RBFOX3: variants seen among roughly 807,000 people sequenced by gnomAD.
RBFOX3 encodes RNA binding fox-1 homolog 3, also known as RNA binding protein fox-1 homolog 3.
In RBFOX3, 17 loss-of-function variants were observed where a neutral mutation model predicts 48.7. That is an observed-to-expected ratio of 0.35 (90% CI 0.24 to 0.52). RBFOX3 has a LOEUF of 0.52. RBFOX3 is among the 20% of genes least tolerant of loss of function. RBFOX3 has a pLI of 0.94. For missense variants in RBFOX3, 382 were observed against 497.5 expected (o/e 0.77, Z 2.21); for synonymous variants, 212 against 209.5 (o/e 1.01, Z -0.10).
intron 9 of RBFOX3, chr17:79,099,803 T>G (rs1209872808): frequency 6.6e-6 from 1 of 152,240 alleles, no homozygotes; most frequent in Non-Finnish European, 1.5e-5. Context: ...GCTGGCCTGT[T>G]TCTACCGTAA....
rs190589924 is a variant in RBFOX3, at chr17:79,230,320, T to C, written c.-34+5446A>G. Among the ~76,000 whole-genome samples the C allele has an allele frequency of 1.1e-3, 166 of 152,210 alleles. 2 individuals are homozygous for C. The South Asian group carries it at 0.031, about 29-fold the overall frequency. On this transcript the variant is annotated intron_variant, in intron 4 of 14. Transcript: ENST00000693108. The stretch of plus-strand genomic sequence containing the variant: ...TGTCACCCAGGCTGGAGTGCAGTGG[T>C]ACGATCTTGGCTCACTGCTACCTCT...
At chr17:79,487,563 A>G (rs2149548814) in intron 1 of RBFOX3, among the ~76,000 whole-genome samples, 2 of 152,312 alleles carry the variant, frequency 1.3e-5, no homozygotes, top group East Asian at 3.9e-4. Flanking sequence ...GCTGGCACAC[A>G]GTAGGCGCTC....
At chr17:79,250,389 A>T (rs539256064) in intron 3 of RBFOX3, among the ~76,000 whole-genome samples, 1 of 152,176 alleles carries the variant, frequency 6.6e-6, no homozygotes, top group Non-Finnish European at 1.5e-5. Context: ...GAACACGATA[A>T]ATTGCGAATG....
intron 4 of RBFOX3, among the ~76,000 whole-genome samples, chr17:79,123,121 G>A (rs1328472579): frequency 1.3e-5 from 2 of 152,240 alleles, no homozygotes; most frequent in South Asian, 4.1e-4. Context: ...AGAGCAGAAA[G>A]AATGAATAAG....
At chr17:79,353,569 C>T (rs1335618760) in intron 2 of RBFOX3, among the ~76,000 whole-genome samples, 1 of 152,260 alleles carries the variant, frequency 6.6e-6, no homozygotes, top group East Asian at 1.9e-4. Flanking sequence ...ATACCCATCA[C>T]TCATGCAGAT....
At chr17:79,274,296 G>A (rs1359329678) in intron 3 of RBFOX3, among the ~76,000 whole-genome samples, 1 of 152,166 alleles carries the variant, frequency 6.6e-6, no homozygotes, top group Non-Finnish European at 1.5e-5. Context: ...GGAGCTTCAG[G>A]ACCTTGCTGC....
chr17:79,162,561 G>C (rs1008189703), intron 4 of RBFOX3, among the ~76,000 whole-genome samples: 3 of 152,252 alleles, frequency 2.0e-5, no homozygotes, highest in Non-Finnish European at 2.9e-5. Context: ...GAGAAAATGA[G>C]ATTTTAGTAA....
intron 2 of RBFOX3, among the ~76,000 whole-genome samples, chr17:79,335,504 A>G (rs1370636975): frequency 6.6e-6 from 1 of 152,204 alleles, no homozygotes. Flanking sequence ...ACACTTGGCC[A>G]TGCACGGATC....
intron 4 of RBFOX3, among the ~76,000 whole-genome samples, chr17:79,178,846 C>T (rs1005724018): frequency 6.6e-6 from 1 of 152,250 alleles, no homozygotes; most frequent in African/African-American, 2.4e-5. Context: ...AACTACTTGT[C>T]TGGTTAAATT....
At chr17:79,193,870 G>A (rs1288709838) in intron 4 of RBFOX3, among the ~76,000 whole-genome samples, 4 of 152,170 alleles carry the variant, frequency 2.6e-5, no homozygotes, top group African/African-American at 9.7e-5. Context: ...TGGCCCACAG[G>A]AAGGTGGCTG....
intron 2 of RBFOX3, among the ~76,000 whole-genome samples, chr17:79,367,616 C>A (rs140172298): frequency 5.9e-5 from 9 of 152,088 alleles, no homozygotes; most frequent in African/African-American, 1.9e-4. Flanking sequence ...TTACTCCCAG[C>A]CAGTAACTTG....
the RBFOX3 span, among the ~76,000 whole-genome samples, chr17:79,620,805 A>C: frequency 6.6e-6 from 1 of 151,918 alleles, no homozygotes; most frequent in Non-Finnish European, 1.5e-5. Flanking sequence ...ACCTGGCTCC[A>C]CCCTCCACAG....
the RBFOX3 span, among the ~76,000 whole-genome samples, chr17:79,662,201 C>A: frequency 7.2e-6 from 1 of 138,542 alleles, no homozygotes; most frequent in Non-Finnish European, 1.5e-5. Flanking sequence ...CTGCTCACTG[C>A]AAGCTCTGCC....
chr17:79,136,511 A>G (rs903667516), intron 4 of RBFOX3: 1 of 152,306 alleles, frequency 6.6e-6, no homozygotes, highest in Non-Finnish European at 1.5e-5. Context: ...CAGACCTCTC[A>G]CTCAGGGTGG....
chr17:79,095,491 C>T (rs1599385620), intron 13 of RBFOX3, 22 bp downstream of exon 13: 1 of 1,547,488 alleles, frequency 6.5e-7, no homozygotes, highest in African/African-American at 1.4e-5. Context: ...TGCTCCAGAA[C>T]AGTGCTGGCC....
chr17:79,431,323 C>CT (rs1459967244), intron 2 of RBFOX3, among the ~76,000 whole-genome samples: 1 of 152,038 alleles, frequency 6.6e-6, no homozygotes, highest in Non-Finnish European at 1.5e-5. Context: ...ACCACATTTT[C>CT]TTTTTTTGAG....
At chr17:79,158,816 C>T (rs920255213) in intron 4 of RBFOX3, among the ~76,000 whole-genome samples, 2 of 152,206 alleles carry the variant, frequency 1.3e-5, no homozygotes, top group Non-Finnish European at 2.9e-5. Context: ...GGAAAGGGAC[C>T]TGGCTCAGCC....
chr17:79,546,223 G>A (rs576100546), intron 1 of RBFOX3, among the ~76,000 whole-genome samples: 1 of 152,124 alleles, frequency 6.6e-6, no homozygotes, highest in Non-Finnish European at 1.5e-5. Context: ...CAGGACCTCA[G>A]CCGAGAGCCC....
rs3826313 is a variant in RBFOX3 at position 79,089,773 on chromosome 17, C to T, written c.*1110G>A. 0.36 allele frequency: 55,359 copies of T among 152,604 alleles called. 10,644 individuals are homozygous for T. The highest frequency in any genetic ancestry group is 0.48 in the African/African-American group (20,069 of 41,504). 9.5% of individuals were successfully genotyped at this position (152,604 alleles called of 1,614,324 possible). On this transcript the variant is annotated 3_prime_UTR_variant, in exon 15 of 15. Coordinates refer to ENST00000693108, the MANE Select transcript of RBFOX3 (RefSeq NM_001350451.2). The stretch of plus-strand genomic sequence containing the variant: ...CCTGCCACCTGCTCTGCTCCTGCTC[C>T]TCCCACCGGGTAAGCCTGGCTGTCC...
Sources: gnomAD v4.1 joint callset for allele counts (sites outside exome capture counted in the v4.1 genomes callset) on GRCh38, gnomAD v4.1.1 for gene constraint, MANE v1.5 for transcripts, NCBI Gene and HGNC (gene_info 2026-07-23, HGNC 2026-07-21) for gene names.